The following CCDC180 variants were observed in gnomAD, a reference collection of about 807,000 sequenced individuals.
CCDC180 encodes the protein coiled-coil domain containing 180, also known as coiled-coil domain-containing protein 180.
A neutral mutation model predicts 209.2 loss-of-function variants in CCDC180; 154 were observed. That is an observed-to-expected ratio of 0.74 (90% CI 0.65 to 0.84). CCDC180 has a LOEUF of 0.84. Among genes scored for constraint, CCDC180 ranks in the 40% least tolerant of loss-of-function variants. The pLI is 0.00. For missense variants in CCDC180, 1,874 were observed against 1,997.3 expected, an observed-to-expected ratio of 0.94 and a Z score of 1.18; for synonymous variants, 778 against 749.1, an observed-to-expected ratio of 1.04 and a Z score of -0.63.
chr9:97,320,594 C>T (rs943517876), intron 11 of CCDC180, among the ~76,000 whole-genome samples: 1 of 152,192 alleles, frequency 6.6e-6, no homozygotes, highest in African/African-American at 2.4e-5. Flanking sequence ...CTGGTAGCCT[C>T]AATGTCCTCC....
chr9:97,309,521 A>G lies in CCDC180; in HGVS notation c.177A>G (p.Glu59=). 3 of 1,603,420 alleles carry G rather than the reference A, an allele frequency of 1.9e-6. No homozygotes were observed. The highest frequency in any genetic ancestry group is 2.6e-6 in the Non-Finnish European group (3 of 1,175,320). ...TGATGAAGAAGGTGGAGACTCCTGA[A>G]GGGGAGGTGATGTCTCCCCGACAGC... is the stretch of plus-strand genomic sequence containing the variant. ...IPMMKKVETP[E]GEVMSPRQQK... Residue 59 remains glutamate, a synonymous_variant, in exon 3 of 37, where the codon GAA becomes GAG. Transcript: ENST00000529487.
intron 8 of CCDC180, 96 bp from the exon 9 acceptor site, chr9:97,316,969 C>A: frequency 8.0e-7 from 1 of 1,253,554 alleles, no homozygotes; most frequent in Non-Finnish European, 1.1e-6. Flanking sequence ...CTGCACCTCC[C>A]CTCTCCAGCC....
In CCDC180 at chr9:97,357,674, A is replaced by G; in HGVS notation, c.3312A>G (p.Gln1104=). 1.2e-6 allele frequency: 2 copies of G among 1,613,756 alleles called. No individual in the cohort carries two copies. Among genetic ancestry groups the G allele is most frequent in the Middle Eastern group, 1.6e-4 (1 of 6,062 alleles). Residue 1104 remains glutamine, a synonymous_variant, in exon 25 of 37, where the codon CAA becomes CAG. Transcript: ENST00000529487. ...SQTNGLNFSL[Q]QLQNKIKTCQ... The stretch of plus-strand genomic sequence containing the variant: ...CAAATGGATTAAATTTCTCTCTGCA[A>G]CAGCTTCAGAACAAGATAAAAACTT...
In CCDC180 at chr9:97,325,016, C is replaced by T; in HGVS notation, c.1372-3C>T. The T allele has an allele frequency of 6.2e-7, 1 of 1,612,724 alleles. No individual in the cohort carries two copies. Among genetic ancestry groups the T allele is most frequent in the Non-Finnish European group, 8.5e-7 (1 of 1,179,362 alleles). On this transcript the variant is annotated splice_region_variant and splice_polypyrimidine_tract_variant and intron_variant, in intron 13 of 36. Transcript: ENST00000529487. ...GTCCCTTCTCTGGGCTCTGCCACTG[C>T]AGAAATCCTTCGAGACTCTGGCAGA...
intron 24 of CCDC180, among the ~76,000 whole-genome samples, chr9:97,357,335 G>A (rs1022614326): frequency 1.7e-4 from 26 of 152,198 alleles, no homozygotes; most frequent in African/African-American, 6.0e-4. Context: ...CCTTTCTATG[G>A]CTCTCGAAGC....
At chr9:97,372,899 A>G (rs1221963736) in intron 34 of CCDC180, 2 of 152,238 alleles carry the variant, frequency 1.3e-5, no homozygotes, top group African/African-American at 2.4e-5. Flanking sequence ...AATTGGATGC[A>G]TAAATGAGGG....
intron 16 of CCDC180, among the ~76,000 whole-genome samples, chr9:97,328,685 C>T (rs73561855): frequency 0.027 from 4,132 of 152,166 alleles, 187 homozygotes; most frequent in African/African-American, 0.094. Flanking sequence ...CAAACCCACC[C>T]ATACCTCCAA....
chr9:97,326,528 C>T, intron 14 of CCDC180, 26 bp from the exon 15 acceptor site: 1 of 1,380,416 alleles, frequency 7.2e-7, no homozygotes. Context: ...ACATCTGCTT[C>T]CTCTTGTTTT....
At chr9:97,364,388 G>A (rs778010096) in intron 29 of CCDC180, 7 of 423,650 alleles carry the variant, frequency 1.7e-5, no homozygotes, top group South Asian at 6.0e-5. Flanking sequence ...GACCCCATTC[G>A]AGGTCTGAAC....
intron 24 of CCDC180, among the ~76,000 whole-genome samples, chr9:97,355,974 G>A (rs1189021735): frequency 1.3e-5 from 2 of 152,174 alleles, no homozygotes; most frequent in Non-Finnish European, 2.9e-5. Context: ...GGCCTGGGAA[G>A]GGTTCGGGTG....
At position 97,366,685 on chromosome 9, in the gene CCDC180, A is replaced by C; in HGVS notation, c.4174A>C (p.Asn1392His). The C allele has an allele frequency of 6.2e-7, 1 of 1,614,144 alleles. No individual in the cohort carries two copies. The highest frequency in any genetic ancestry group is 8.5e-7 in the Non-Finnish European group (1 of 1,180,000). ...TCAGAGCCAGGCAAATAAGTACCAC[A>C]ACTCCTGCCTCATAGGTGAGTATAG... The part of the protein sequence containing the change: ...EYQSQANKYH[N>H]SCLIELRIQI... The change falls in exon 31 of 37, where the codon AAC becomes CAC. Residue 1392 changes from asparagine (N) to histidine (H), a missense_variant. Asn to His is a moderately conservative substitution (Grantham distance 68). Coordinates refer to ENST00000529487, the MANE Select transcript of CCDC180 (RefSeq NM_020893.6). The surrounding 1 kb of genome is among the most constrained non-coding windows in gnomAD (Gnocchi z 4.3).
intron 2 of CCDC180, 82 bp downstream of exon 2, chr9:97,308,214 C>T (rs1410204198): frequency 1.9e-5 from 25 of 1,303,472 alleles, no homozygotes; most frequent in Admixed American, 6.2e-5. Flanking sequence ...CAGGGCTTCC[C>T]TACTGGAAAT....
rs769007686 is a variant in CCDC180 at position 97,370,799 on chromosome 9, G to GC, written c.4488+23dup. The stretch of plus-strand genomic sequence containing the variant: ...TGGAGGTCAGTGATACCATTGATTC[G>GC]CCAGTCCAGGCATGCTCCAAATATA... On this transcript the variant is annotated intron_variant, in intron 33 of 36. Transcript: ENST00000529487. 5 of 1,611,964 alleles carry GC rather than the reference G, an allele frequency of 3.1e-6. No homozygotes were observed. The African/African-American group carries it at 5.3e-5, about 17-fold the overall frequency.
intron 18 of CCDC180, among the ~76,000 whole-genome samples, chr9:97,342,033 G>A (rs1301329317): frequency 6.6e-6 from 1 of 152,238 alleles, no homozygotes; most frequent in Non-Finnish European, 1.5e-5. Context: ...TTTTGGAAAA[G>A]CACAGTGTTT....
At position 97,330,465 on chromosome 9, in the gene CCDC180, G is replaced by C; in HGVS notation, c.1972G>C (p.Asp658His). The C allele has an allele frequency of 6.2e-7, 1 of 1,614,128 alleles. No individual in the cohort carries two copies. The highest frequency in any genetic ancestry group is 8.5e-7 in the Non-Finnish European group (1 of 1,180,026). ...RSVEEVEEEN[D>H]QEMESFITEE... Reference sequence around the variant, plus strand: ...AGTAGAAGAGGTGGAAGAAGAAAACGATCAAGAAATGGAGTCCTTCATAAC... The same window carrying C: ...AGTAGAAGAGGTGGAAGAAGAAAACCATCAAGAAATGGAGTCCTTCATAAC... Residue 658 changes from aspartate (D) to histidine (H), a missense_variant, in exon 18 of 37, where the codon GAT (aspartate) becomes CAT (histidine). Physicochemically the swap from Asp to His is moderately conservative, Grantham distance 81. Transcript: ENST00000529487.
chr9:97,367,061 C>A (rs1467808461), intron 31 of CCDC180, among the ~76,000 whole-genome samples: 1 of 152,122 alleles, frequency 6.6e-6, no homozygotes, highest in African/African-American at 2.4e-5. Context: ...ATGCAATCAC[C>A]GCTACCGTCA....
Position 97,317,153 on chromosome 9 carries a change from A to G in CCDC180, c.884A>G (p.Asp295Gly). ...GAGTCCACCCTGCAGCAGGAGCTGG[A>G]CAGCCGCCACCGCTGGCAAGGCTTG... ...LMESTLQQEL[D>G]SRHRWQGLVD... is the part of the protein sequence containing the mutation. Residue 295 changes from aspartate to glycine, a missense_variant, in exon 9 of 37, where the codon GAC becomes GGC. Transcript: ENST00000529487. 2.5e-6 allele frequency: 4 copies of G among 1,613,230 alleles called. No individual in the cohort carries two copies. The highest frequency in any genetic ancestry group is 3.4e-6 in the Non-Finnish European group (4 of 1,179,748).
At position 97,374,524 on chromosome 9, in the gene CCDC180, G is replaced by C. The variant is rs367970840; in HGVS notation, c.4601-19G>C. 1 of 1,594,738 alleles carries C rather than the reference G, an allele frequency of 6.3e-7. No homozygotes were observed. Among genetic ancestry groups the C allele is most frequent in the Admixed American group, 1.7e-5 (1 of 59,840 alleles). Reference sequence around the variant, plus strand: ...GCTGTCGGTGAGGCTGCAGTCACTAGCCTGTCTTTTGCCTCTAGGGATGGA... The same window carrying C: ...GCTGTCGGTGAGGCTGCAGTCACTACCCTGTCTTTTGCCTCTAGGGATGGA... On this transcript the variant is annotated intron_variant, in intron 34 of 36. Coordinates refer to ENST00000529487, the MANE Select transcript of CCDC180 (RefSeq NM_020893.6).
At chr9:97,357,188 C>T (rs10435868) in intron 24 of CCDC180, among the ~76,000 whole-genome samples, 83,260 of 151,468 alleles carry the variant, frequency 0.55, 24,237 homozygotes, top group African/African-American at 0.74. Flanking sequence ...GACCTTTCTA[C>T]GGCTCTCTAA....
Sources: allele counts gnomAD v4.1 joint callset (sites outside exome capture counted in the v4.1 genomes callset), GRCh38; gene constraint gnomAD v4.1.1; non-coding constraint Gnocchi (gnomAD v3.1); transcripts MANE v1.5; gene names NCBI Gene and HGNC (gene_info 2026-07-23, HGNC 2026-07-21).